GRIA4: variants seen among roughly 807,000 people sequenced by gnomAD.
The protein encoded by GRIA4 is glutamate receptor 4.
In GRIA4, 34 loss-of-function variants were observed where a neutral mutation model predicts 104.0. That is an observed-to-expected ratio of 0.33 (90% CI 0.25 to 0.44). GRIA4 has a LOEUF of 0.44. GRIA4 is among the 20% of genes least tolerant of loss of function. The probability of loss-of-function intolerance (pLI) is 1.00; values close to 1 mark genes in which losing one functional copy is unlikely to be tolerated. For synonymous variants in GRIA4, 386 were observed against 381.9 expected (o/e 1.01, Z -0.13); for missense variants, 750 against 1,096.5 (o/e 0.68, Z 4.46).
chr11:105,816,032 A>G (rs1460197271), intron 4 of GRIA4, among the ~76,000 whole-genome samples: 3 of 152,128 alleles, frequency 2.0e-5, no homozygotes, highest in African/African-American at 7.2e-5. Context: ...TGCACGTGAG[A>G]TAGCATGACG....
chr11:105,634,511 A>T (rs1951147015), intron 3 of GRIA4, among the ~76,000 whole-genome samples: 1 of 73,416 alleles, frequency 1.4e-5, no homozygotes, highest in Non-Finnish European at 3.1e-5. Flanking sequence ...GAAAGAAAGA[A>T]AGAAGAAAGA....
intron 4 of GRIA4, among the ~76,000 whole-genome samples, chr11:105,809,398 T>C (rs1377447644): frequency 6.6e-6 from 1 of 152,158 alleles, no homozygotes; most frequent in Non-Finnish European, 1.5e-5. Flanking sequence ...TTTTAAAATA[T>C]GTAATAAATT....
chr11:105,614,670 T>C (rs1392289707), intron 3 of GRIA4, among the ~76,000 whole-genome samples: 1 of 151,864 alleles, frequency 6.6e-6, no homozygotes, highest in Non-Finnish European at 1.5e-5. Flanking sequence ...AGAAAACAAA[T>C]TGTAAATAAG....
intron 5 of GRIA4, among the ~76,000 whole-genome samples, chr11:105,876,281 GTTTGTTATGAT>G (rs1473633117): frequency 6.6e-6 from 1 of 152,122 alleles, no homozygotes. Flanking sequence ...CTGAGAGACT[GTTTGTTATGAT>G]TTTTGTTCTT....
chr11:105,869,932 T>C (rs1038922254), intron 5 of GRIA4, among the ~76,000 whole-genome samples: 14 of 152,176 alleles, frequency 9.2e-5, no homozygotes, highest in Admixed American at 2.6e-4. Flanking sequence ...GTGTAATTTT[T>C]ACCAAAATAA....
chr11:105,713,437 T>C (rs973669829), intron 3 of GRIA4, among the ~76,000 whole-genome samples: 2 of 152,080 alleles, frequency 1.3e-5, no homozygotes, highest in Non-Finnish European at 2.9e-5. Flanking sequence ...TATGGACACA[T>C]ACTCAAAGGA....
intron 11 of GRIA4, among the ~76,000 whole-genome samples, chr11:105,920,059 T>C (rs912728637): frequency 5.9e-5 from 9 of 152,132 alleles, no homozygotes; most frequent in African/African-American, 1.9e-4. Flanking sequence ...ATCTTGCCTT[T>C]TAGACCATGA....
chr11:105,785,259 T>G (rs978367690), intron 4 of GRIA4, among the ~76,000 whole-genome samples: 1 of 152,156 alleles, frequency 6.6e-6, no homozygotes, highest in Non-Finnish European at 1.5e-5. Context: ...GAAAAATAAA[T>G]GAGGTACAAT....
At chr11:105,841,041 G>C (rs1944373376) in intron 4 of GRIA4, among the ~76,000 whole-genome samples, 1 of 151,998 alleles carries the variant, frequency 6.6e-6, no homozygotes, top group African/African-American at 2.4e-5. Flanking sequence ...CTACAAATTT[G>C]AATTTTCTTT....
chr11:105,951,381 A>G (rs922745174), intron 14 of GRIA4, among the ~76,000 whole-genome samples: 1 of 152,222 alleles, frequency 6.6e-6, no homozygotes, highest in Non-Finnish European at 1.5e-5. Context: ...ACTTTAGAAT[A>G]ATAATAACCA....
intron 3 of GRIA4, among the ~76,000 whole-genome samples, chr11:105,677,482 A>C: frequency 6.6e-6 from 1 of 151,974 alleles, no homozygotes; most frequent in East Asian, 1.9e-4. Flanking sequence ...AATGCATTAG[A>C]ACTAGGAATT....
chr11:105,714,944 G>T lies in GRIA4; in HGVS notation c.248-38037G>T, dbSNP rs1232030021. Among the ~76,000 whole-genome samples, 4 of 152,126 alleles carry T rather than the reference G, an allele frequency of 2.6e-5. No individual in the cohort carries two copies. In the South Asian group the frequency reaches 8.3e-4, roughly 32 times the overall value. On this transcript the variant is annotated intron_variant, in intron 3 of 16. Coordinates refer to ENST00000282499, the MANE Select transcript of GRIA4 (RefSeq NM_000829.4). Reference sequence around the variant, plus strand: ...GACAGTCAAACCATCAGCTTTTCTGGTCTCCAGTGTAAGAGCTTCACCTTC... The same window carrying T: ...GACAGTCAAACCATCAGCTTTTCTGTTCTCCAGTGTAAGAGCTTCACCTTC...
At chr11:105,648,310 T>A (rs1951587856) in intron 3 of GRIA4, among the ~76,000 whole-genome samples, 1 of 151,264 alleles carries the variant, frequency 6.6e-6, no homozygotes, top group South Asian at 2.1e-4. Flanking sequence ...AGATAGAAAA[T>A]TTTAAAAATA....
intron 5 of GRIA4, among the ~76,000 whole-genome samples, chr11:105,881,306 G>C (rs1030926533): frequency 2.0e-5 from 3 of 152,102 alleles, no homozygotes; most frequent in African/African-American, 4.8e-5. Flanking sequence ...CTTCTCCAAG[G>C]GCAATATCAG....
At chr11:105,642,908 G>A (rs1388538668) in intron 3 of GRIA4, among the ~76,000 whole-genome samples, 1 of 152,134 alleles carries the variant, frequency 6.6e-6, no homozygotes, top group African/African-American at 2.4e-5. Context: ...TGGTTTAATT[G>A]ACTCACAGTT....
intron 4 of GRIA4, among the ~76,000 whole-genome samples, chr11:105,843,886 T>A (rs1158500322): frequency 2.6e-5 from 4 of 152,172 alleles, no homozygotes; most frequent in Non-Finnish European, 5.9e-5. Context: ...CCTCCATTGG[T>A]CGCTTTTTTT....
intron 3 of GRIA4, among the ~76,000 whole-genome samples, chr11:105,638,922 C>A (rs1951283409): frequency 6.6e-6 from 1 of 152,004 alleles, no homozygotes; most frequent in African/African-American, 2.4e-5. Flanking sequence ...CCGACAAATC[C>A]TTTTCTATTA....
chr11:105,806,119 C>T (rs1427999640), intron 4 of GRIA4, among the ~76,000 whole-genome samples: 1 of 151,752 alleles, frequency 6.6e-6, no homozygotes, highest in African/African-American at 2.4e-5. Context: ...ATTTAAACTT[C>T]CCATTAAATA....
chr11:105,617,013 G>C (rs1199789321), intron 3 of GRIA4, among the ~76,000 whole-genome samples: 3 of 151,038 alleles, frequency 2.0e-5, no homozygotes, highest in African/African-American at 7.2e-5. Context: ...GTAGGATTAA[G>C]CTTTCATAAA....
Sources: allele counts gnomAD v4.1 joint callset (sites outside exome capture counted in the v4.1 genomes callset), GRCh38; gene constraint gnomAD v4.1.1; transcripts MANE v1.5; gene names NCBI Gene and HGNC (gene_info 2026-07-23, HGNC 2026-07-21).